The following ACTR3 variants were observed in gnomAD, a reference collection of about 807,000 sequenced individuals.
ACTR3 encodes actin related protein 3.
In ACTR3, 12 loss-of-function variants were observed where a neutral mutation model predicts 56.8. The ratio of observed to expected loss-of-function variants is 0.21; its 90% confidence interval spans 0.14 to 0.34. The LOEUF (loss-of-function observed/expected upper bound fraction) is 0.34, where lower values mean the gene tolerates loss of function less well. Among genes scored for constraint, ACTR3 ranks in the 10% least tolerant of loss-of-function variants. The pLI, the probability that ACTR3 is intolerant of heterozygous loss-of-function variation, is 1.00. For missense variants in ACTR3, 282 were observed against 512.5 expected, an observed-to-expected ratio of 0.55 and a Z score of 4.34; for synonymous variants, 162 against 167.4, an observed-to-expected ratio of 0.97 and a Z score of 0.25.
At chr2:113,915,651 G>A (rs901765683) in intron 2 of ACTR3, among the ~76,000 whole-genome samples, 2 of 152,080 alleles carry the variant, frequency 1.3e-5, no homozygotes, top group Admixed American at 6.5e-5. Flanking sequence ...GGTTATATTC[G>A]TAAATGGCTG....
At chr2:113,901,568 A>C (rs79558401) in intron 1 of ACTR3, among the ~76,000 whole-genome samples, 48 of 152,348 alleles carry the variant, frequency 3.2e-4, no homozygotes, top group African/African-American at 1.2e-3. Flanking sequence ...TAAGAGTATA[A>C]GCAAGTCATT....
chr2:113,944,749 G>A (rs1574380297), intron 8 of ACTR3, among the ~76,000 whole-genome samples: 1 of 151,954 alleles, frequency 6.6e-6, no homozygotes, highest in Non-Finnish European at 1.5e-5. Context: ...GCGACAGAGC[G>A]AGACTTCATT....
Position 113,958,010 on chromosome 2 carries a change from A to G in ACTR3, c.*555A>G, listed in dbSNP as rs1680254660. On this transcript the variant is annotated 3_prime_UTR_variant, in exon 12 of 12. Coordinates refer to ENST00000263238, the MANE Select transcript of ACTR3 (RefSeq NM_005721.5). ...CATCCCTCTCCACCCCTTCCCCCCA[A>G]AAGGTTTTCTTTGCAAGTGCTTTTG... The G allele has an allele frequency of 6.6e-6, 1 of 152,354 alleles. No homozygotes were observed. Among genetic ancestry groups the G allele is most frequent in the Non-Finnish European group, 1.5e-5 (1 of 68,112 alleles). 9.4% of individuals were successfully genotyped at this position (152,354 alleles called of 1,614,324 possible).
intron 10 of ACTR3, chr2:113,955,378 T>C: frequency 3.1e-6 from 1 of 322,968 alleles, no homozygotes; most frequent in Non-Finnish European, 5.6e-6. Flanking sequence ...AAGTCAGAAC[T>C]GTATAAAACA....
At chr2:113,915,864 A>G (rs1421696739) in intron 2 of ACTR3, among the ~76,000 whole-genome samples, 2 of 152,198 alleles carry the variant, frequency 1.3e-5, no homozygotes, top group African/African-American at 4.8e-5. Flanking sequence ...CCCAGTTTTA[A>G]TGCTGCAGGT....
At chr2:113,940,695 G>A (rs1679908726) in intron 7 of ACTR3, among the ~76,000 whole-genome samples, 1 of 149,806 alleles carries the variant, frequency 6.7e-6, no homozygotes, top group Non-Finnish European at 1.5e-5. Flanking sequence ...AATTTCAGTG[G>A]GTTTCACGTG....
intron 8 of ACTR3, among the ~76,000 whole-genome samples, chr2:113,942,601 T>G (rs1679943961): frequency 6.6e-6 from 1 of 151,968 alleles, no homozygotes; most frequent in Admixed American, 6.6e-5. Flanking sequence ...GTGTGGCTTA[T>G]GGGGGGGTCA....
At chr2:113,906,030 G>C (rs1194466840) in intron 1 of ACTR3, among the ~76,000 whole-genome samples, 3 of 152,074 alleles carry the variant, frequency 2.0e-5, no homozygotes, top group African/African-American at 7.2e-5. Context: ...GGAATTGTTG[G>C]GTCGTGTAAT....
At chr2:113,914,630 A>AAG (rs1553493376) in intron 2 of ACTR3, among the ~76,000 whole-genome samples, 4 of 148,866 alleles carry the variant, frequency 2.7e-5, no homozygotes, top group East Asian at 1.9e-4. Context: ...AAAAAAAAAA[A>AAG]AAAGAAAGAA....
At chr2:113,925,274 C>G (rs1679596650) in intron 3 of ACTR3, among the ~76,000 whole-genome samples, 1 of 149,188 alleles carries the variant, frequency 6.7e-6, no homozygotes, top group Admixed American at 6.8e-5. Context: ...TGGCTCACTG[C>G]AACCTCCGCC....
At position 113,906,423 on chromosome 2, in the gene ACTR3, G is replaced by T. The variant is rs978948949; in HGVS notation, c.45-6749G>T. ...AATATTTTCTCCCATTCTGTGGATT[G>T]CCTTTCCACTGTTGATAGTGTCCTT... On this transcript the variant is annotated intron_variant, in intron 1 of 11. Coordinates refer to ENST00000263238, the MANE Select transcript of ACTR3 (RefSeq NM_005721.5). Among the ~76,000 whole-genome samples, 8 of 152,194 alleles carry T rather than the reference G, an allele frequency of 5.3e-5. No homozygotes were observed. The East Asian group carries it at 1.5e-3, about 29-fold the overall frequency.
Position 113,960,871 on chromosome 2 carries a change from A to G in ACTR3, c.*3416A>G, listed in dbSNP as rs1680313144. ...GCAGACTCTGGGAGCAAAATGTTCT[A>G]CTCAGTTTGGAATACTGTGCCTTAA... On this transcript the variant is annotated 3_prime_UTR_variant, in exon 12 of 12. Coordinates refer to ENST00000263238, the MANE Select transcript of ACTR3 (RefSeq NM_005721.5). 1 of 151,926 alleles carries G rather than the reference A, an allele frequency of 6.6e-6. No individual in the cohort carries two copies. The highest frequency in any genetic ancestry group is 2.4e-5 in the African/African-American group (1 of 41,382). The allele number at this position is 151,926 out of a possible 1,614,324, so 9.4% of individuals were successfully genotyped here. A position where few individuals can be genotyped will look rare whatever the true frequency, so the allele number is the denominator to read the frequency against.
chr2:113,957,514 C>T lies in ACTR3; in HGVS notation c.*59C>T. 7.2e-7 allele frequency: 1 copy of T among 1,387,184 alleles called. No homozygotes were observed. The highest frequency in any genetic ancestry group is 1.0e-6 in the Non-Finnish European group (1 of 977,520). 85.9% of individuals were successfully genotyped at this position (1,387,184 alleles called of 1,614,324 possible). A position where few individuals can be genotyped will look rare whatever the true frequency, so the allele number is the denominator to read the frequency against. ...GGGGAAGAGATAATCTTTCTGATTA[C>T]CTGTTTTGTCTGGATGGCTGGTTTT... On this transcript the variant is annotated 3_prime_UTR_variant, in exon 12 of 12. Coordinates refer to ENST00000263238, the MANE Select transcript of ACTR3 (RefSeq NM_005721.5).
At position 113,890,255 on chromosome 2, in the gene ACTR3, G is replaced by C. The variant is rs1181054964; in HGVS notation, c.-25G>C. 2 of 1,550,650 alleles carry C rather than the reference G, an allele frequency of 1.3e-6. No individual in the cohort carries two copies. The highest frequency in any genetic ancestry group is 3.9e-5 in the Admixed American group (2 of 50,970). ...TAGCAGCACGGAGCAGACGGCGGCA[G>C]CAGCAGCAGCAGGCGAGGAGGAAGA... On this transcript the variant is annotated 5_prime_UTR_variant, in exon 1 of 12. Coordinates refer to ENST00000263238, the MANE Select transcript of ACTR3 (RefSeq NM_005721.5).
At chr2:113,935,580 T>G (rs1371265562) in intron 6 of ACTR3, among the ~76,000 whole-genome samples, 2 of 152,244 alleles carry the variant, frequency 1.3e-5, no homozygotes, top group African/African-American at 4.8e-5. Context: ...TATGTGGATA[T>G]ATGAGATTTT....
chr2:113,946,044 T>C (rs980105376), intron 8 of ACTR3, among the ~76,000 whole-genome samples: 3 of 152,210 alleles, frequency 2.0e-5, no homozygotes, highest in African/African-American at 4.8e-5. Flanking sequence ...CAGTCTACCA[T>C]TGATGGGCAT....
At chr2:113,934,043 C>T (rs1679775335) in intron 5 of ACTR3, 3 of 439,838 alleles carry the variant, frequency 6.8e-6, no homozygotes, top group Non-Finnish European at 8.0e-6. Flanking sequence ...GTAAATCTTA[C>T]AAATCATGCT....
In ACTR3 at chr2:113,939,169, G is replaced by A. The variant is rs530101464; in HGVS notation, c.541-790G>A. 3.1e-4 allele frequency among the ~76,000 whole-genome samples: 47 copies of A among 151,526 alleles called. No homozygotes were observed. The South Asian group carries it at 4.0e-3, about 13-fold the overall frequency. Reference sequence around the variant, plus strand: ...CTCCCGTGTAGCTGGGACTACAGGCGCGCGCCACCATGCCCGGCTAATTTT... The same window carrying A: ...CTCCCGTGTAGCTGGGACTACAGGCACGCGCCACCATGCCCGGCTAATTTT... On this transcript the variant is annotated intron_variant, in intron 6 of 11. Coordinates refer to ENST00000263238, the MANE Select transcript of ACTR3 (RefSeq NM_005721.5).
chr2:113,912,571 C>T (rs543849447), intron 1 of ACTR3, among the ~76,000 whole-genome samples: 36 of 152,282 alleles, frequency 2.4e-4, no homozygotes, highest in African/African-American at 8.4e-4. Context: ...CTTCTCATTT[C>T]TGTTCATCAT....
Sources: allele counts gnomAD v4.1 joint callset (sites outside exome capture counted in the v4.1 genomes callset), GRCh38; gene constraint gnomAD v4.1.1; transcripts MANE v1.5; gene names NCBI Gene and HGNC (gene_info 2026-07-23, HGNC 2026-07-21).